The following COP1 variants were observed in gnomAD, a reference collection of about 807,000 sequenced individuals.
The protein encoded by COP1 is COP1 E3 ubiquitin ligase.
Under a neutral mutation model 101.3 loss-of-function variants are expected in COP1, and 24 were observed. That is an observed-to-expected ratio of 0.24 (90% CI 0.17 to 0.33). COP1 has a LOEUF of 0.33. COP1 is among the 10% of genes least tolerant of loss of function. COP1 has a pLI of 1.00. For synonymous variants in COP1, 347 were observed against 341.9 expected (o/e 1.01, Z -0.17); for missense variants, 663 against 906.2 (o/e 0.73, Z 3.45).
At chr1:176,119,056 A>G (rs1407266686) in intron 8 of COP1, among the ~76,000 whole-genome samples, 1 of 152,228 alleles carries the variant, frequency 6.6e-6, no homozygotes, top group East Asian at 1.9e-4. Context: ...ACTTAACCAT[A>G]TAAAGAATTC....
chr1:176,081,292 AT>A lies in COP1; in HGVS notation c.1142-6del. 3 of 1,512,974 alleles carry A rather than the reference AT, an allele frequency of 2.0e-6. No individual in the cohort carries two copies. Among genetic ancestry groups the A allele is most frequent in the Non-Finnish European group, 2.7e-6 (3 of 1,119,580 alleles). 93.7% of individuals were successfully genotyped at this position (1,512,974 alleles called of 1,614,324 possible). A position where few individuals can be genotyped will look rare whatever the true frequency, so the allele number is the denominator to read the frequency against. On this transcript the variant is annotated splice_region_variant and splice_polypyrimidine_tract_variant and intron_variant, in intron 10 of 19. Transcript: ENST00000367669. ...GGCTTGCAGTTCGACTGTCATCTAT[AT>A]GAAAAAAAAAAAAAAAAGACAAAAC...
chr1:176,090,573 AG>A (rs1420098356), intron 9 of COP1, among the ~76,000 whole-genome samples: 2 of 152,158 alleles, frequency 1.3e-5, no homozygotes, highest in Non-Finnish European at 2.9e-5. Flanking sequence ...AGCACAGGGC[AG>A]GGGGAAAGAG....
chr1:176,152,442 T>C (rs1692762457), intron 5 of COP1, among the ~76,000 whole-genome samples: 1 of 152,034 alleles, frequency 6.6e-6, no homozygotes, highest in African/African-American at 2.4e-5. Flanking sequence ...GAAGTAATTA[T>C]TACTTAGATT....
chr1:176,080,239 A>C (rs1230881520), intron 11 of COP1, among the ~76,000 whole-genome samples: 2 of 152,230 alleles, frequency 1.3e-5, no homozygotes, highest in Non-Finnish European at 2.9e-5. Context: ...AAAATGGAAA[A>C]GTATCACATC....
chr1:176,102,702 G>A (rs1018828381), intron 9 of COP1, among the ~76,000 whole-genome samples: 28 of 152,304 alleles, frequency 1.8e-4, no homozygotes, highest in African/African-American at 6.7e-4. Context: ...TAGAAATTAA[G>A]GTTTAGGAGG....
At chr1:176,102,027 T>C (rs1683498130) in intron 9 of COP1, among the ~76,000 whole-genome samples, 1 of 152,154 alleles carries the variant, frequency 6.6e-6, no homozygotes, top group Admixed American at 6.5e-5. Context: ...GTCTGAAGGC[T>C]GAAAAACCAG....
intron 8 of COP1, among the ~76,000 whole-genome samples, chr1:176,124,487 T>C (rs543902694): frequency 4.0e-5 from 6 of 151,548 alleles, no homozygotes; most frequent in Admixed American, 3.3e-4. Context: ...GTTCAATTGA[T>C]TTTTAGATCC....
At chr1:176,188,834 T>TACACACACACACACACACAC (rs10637320) in intron 1 of COP1, among the ~76,000 whole-genome samples, 1 of 148,416 alleles carries the variant, frequency 6.7e-6, no homozygotes, top group African/African-American at 2.5e-5. Flanking sequence ...AACACATAGA[T>TACACACACACACACACACAC]ACACACACAC....
At chr1:176,167,950 G>T (rs1695386596) in intron 3 of COP1, among the ~76,000 whole-genome samples, 1 of 144,574 alleles carries the variant, frequency 6.9e-6, no homozygotes, top group Non-Finnish European at 1.6e-5. Context: ...ACTTTTATAT[G>T]CATCAGCCAT....
intron 11 of COP1, among the ~76,000 whole-genome samples, chr1:176,067,647 A>T (rs939463964): frequency 5.3e-5 from 8 of 152,112 alleles, no homozygotes; most frequent in African/African-American, 1.7e-4. Context: ...ACCACTCAAT[A>T]CAAAAGCTTG....
chr1:175,983,807 G>A (rs1571392056), intron 18 of COP1, among the ~76,000 whole-genome samples: 1 of 152,196 alleles, frequency 6.6e-6, no homozygotes, highest in East Asian at 1.9e-4. Context: ...GAGCAAAGAA[G>A]ACTCTTGTTA....
At chr1:175,996,613 CAGAG>C (rs1057331589) in intron 15 of COP1, among the ~76,000 whole-genome samples, 1,761 of 152,138 alleles carry the variant, frequency 0.012, 33 homozygotes, top group African/African-American at 0.037. Flanking sequence ...AACAGACAAA[CAGAG>C]AGCCAAATCA....
At chr1:176,059,170 T>G (rs1674403887) in intron 11 of COP1, among the ~76,000 whole-genome samples, 2 of 152,248 alleles carry the variant, frequency 1.3e-5, no homozygotes, top group African/African-American at 4.8e-5. Flanking sequence ...GCAACCAGAC[T>G]TTAATAATTT....
At chr1:176,192,184 T>G (rs1345451817) in intron 1 of COP1, among the ~76,000 whole-genome samples, 2 of 152,060 alleles carry the variant, frequency 1.3e-5, no homozygotes, top group Admixed American at 6.6e-5. Context: ...CCCAATACAT[T>G]CTTGATCTCT....
intron 9 of COP1, among the ~76,000 whole-genome samples, chr1:176,098,788 C>G (rs1219178470): frequency 6.6e-6 from 1 of 152,160 alleles, no homozygotes; most frequent in African/African-American, 2.4e-5. Context: ...TTTTAAACCT[C>G]TAACATATTT....
At chr1:176,132,224 T>G (rs909078172) in intron 8 of COP1, among the ~76,000 whole-genome samples, 2 of 151,850 alleles carry the variant, frequency 1.3e-5, no homozygotes, top group African/African-American at 4.8e-5. Context: ...TTTTAAAATC[T>G]AAATCAGATC....
At position 175,988,354 on chromosome 1, in the gene COP1, A is replaced by G; in HGVS notation, c.1906T>C (p.Phe636Leu). The change falls in exon 17 of 20, where the codon TTC becomes CTC. Residue 636 changes from phenylalanine to leucine, a missense_variant. Physicochemically the swap from Phe to Leu is conservative, Grantham distance 22. Around this residue, in one of 4 missense-constraint regions of COP1, gnomAD observed 209 missense variants for 383.3 expected, o/e 0.55. Coordinates refer to ENST00000367669, the MANE Select transcript of COP1 (RefSeq NM_022457.7). Reference sequence around the variant, plus strand: ...TTTTTTTCATTGATATGACCCTTGAAGGAACGTAGGCAGTATGGTTTCCCT... The same window carrying G: ...TTTTTTTCATTGATATGACCCTTGAGGGAACGTAGGCAGTATGGTTTCCCT... ...NVGKPYCLRS[F>L]KGHINEKNFV... The G allele has an allele frequency of 6.2e-7, 1 of 1,612,342 alleles. No homozygotes were observed. Among genetic ancestry groups the G allele is most frequent in the Non-Finnish European group, 8.5e-7 (1 of 1,178,604 alleles).
intron 18 of COP1, among the ~76,000 whole-genome samples, chr1:175,953,844 T>A (rs1317900812): frequency 2.0e-5 from 3 of 150,426 alleles, no homozygotes; most frequent in Non-Finnish European, 4.4e-5. Context: ...ATAAATTGAC[T>A]CATGTTTGGA....
At chr1:176,028,057 T>C (rs1294151326) in intron 14 of COP1, among the ~76,000 whole-genome samples, 1 of 151,876 alleles carries the variant, frequency 6.6e-6, no homozygotes, top group Non-Finnish European at 1.5e-5. Context: ...AACCATCAGA[T>C]CTCATGAGAC....
Sources: gnomAD v4.1 joint callset for allele counts (sites outside exome capture counted in the v4.1 genomes callset) on GRCh38, gnomAD v4.1.1 for gene constraint, gnomAD v4.1.1 regional missense constraint, MANE v1.5 for transcripts, NCBI Gene and HGNC (gene_info 2026-07-23, HGNC 2026-07-21) for gene names.